Variants in MTREX observed in about 807,000 individuals in gnomAD.
MTREX encodes Mtr4 exosome RNA helicase, also known as exosome RNA helicase MTR4.
Under a neutral mutation model 135.4 loss-of-function variants are expected in MTREX, and 76 were observed. The ratio of observed to expected loss-of-function variants is 0.56; its 90% CI spans 0.47 to 0.68. MTREX has a LOEUF of 0.68. Ranked by LOEUF, MTREX falls within the 30% of genes least tolerant of loss-of-function variation. The pLI is 0.00. For synonymous variants in MTREX, 404 were observed against 401.6 expected (o/e 1.01, Z -0.07); for missense variants, 920 against 1,262.1 (o/e 0.73, Z 4.11).
chr5:55,345,301 C>A, intron 10 of MTREX, 105 bp downstream of exon 10: 1 of 711,256 alleles, frequency 1.4e-6, no homozygotes, highest in South Asian at 1.7e-5. Context: ...ATGTAAAGGT[C>A]TAGACGATAT....
intron 1 of MTREX, among the ~76,000 whole-genome samples, chr5:55,311,106 T>C (rs540434239): frequency 7.9e-5 from 12 of 152,190 alleles, no homozygotes; most frequent in Non-Finnish European, 1.8e-4. Flanking sequence ...AAAAAAACTT[T>C]ATGAGAATTG....
At position 55,340,199 on chromosome 5, in the gene MTREX, G is replaced by A. The variant is rs773679166; in HGVS notation, c.690+15G>A. ...TGACCACAGAGGTAATTCATGTAGT[G>A]CCTCATCTGACTTTTCGTTTTTAAT... is the stretch of plus-strand genomic sequence containing the variant. On this transcript the variant is annotated intron_variant, in intron 6 of 26. Coordinates refer to ENST00000230640, the MANE Select transcript of MTREX (RefSeq NM_015360.5). 15 of 1,500,216 alleles carry A rather than the reference G, an allele frequency of 1.0e-5. No homozygotes were observed. Among genetic ancestry groups the A allele is most frequent in the Non-Finnish European group, 4.5e-6 (5 of 1,122,996 alleles). 92.9% of individuals were successfully genotyped at this position (1,500,216 alleles called of 1,614,324 possible). A position where few individuals can be genotyped will look rare whatever the true frequency, so the allele number is the denominator to read the frequency against.
chr5:55,415,338 C>A (rs1049122262), intron 24 of MTREX, among the ~76,000 whole-genome samples: 1 of 151,914 alleles, frequency 6.6e-6, no homozygotes, highest in Non-Finnish European at 1.5e-5. Flanking sequence ...GTACATGAAC[C>A]CCTGAGCCTA....
Position 55,352,021 on chromosome 5 carries a change from TTTTTG to T in MTREX, c.1431+1017_1431+1021del, listed in dbSNP as rs559247967. ...TTCTTGTTTTTTGTTTTTGTTTTTG[TTTTTG>T]TTTTGTTTTGTTTTGTTTTGTTTTT... On this transcript the variant is annotated intron_variant, in intron 13 of 26. Coordinates refer to ENST00000230640, the MANE Select transcript of MTREX (RefSeq NM_015360.5). Among the ~76,000 whole-genome samples, 264 of 131,916 alleles carry T rather than the reference TTTTTG, an allele frequency of 2.0e-3. 2 individuals are homozygous for T. The highest frequency in any genetic ancestry group is 3.0e-3 in the Non-Finnish European group (185 of 62,048). The allele number at this position is 131,916 out of a possible 152,430, so 86.5% of individuals were successfully genotyped here. A position where few individuals can be genotyped will look rare whatever the true frequency, so the allele number is the denominator to read the frequency against.
chr5:55,348,600 G>A (rs1749775902), intron 11 of MTREX, among the ~76,000 whole-genome samples: 2 of 152,034 alleles, frequency 1.3e-5, no homozygotes, highest in Admixed American at 6.5e-5. Flanking sequence ...TTTTATCTGT[G>A]CATTTTAAAG....
intron 21 of MTREX, 123 bp from the exon 22 acceptor site, chr5:55,405,302 T>TG: frequency 1.3e-6 from 1 of 796,890 alleles, no homozygotes; most frequent in Non-Finnish European, 1.9e-6. Context: ...CACTGAAGCT[T>TG]TAACCCAGAA....
chr5:55,308,097 A>C lies in MTREX; in HGVS notation c.84A>C (p.Glu28Asp), dbSNP rs1358018399. 6.2e-7 allele frequency: 1 copy of C among 1,613,924 alleles called. No individual in the cohort carries two copies. ...TTAAGTKKDK[E>D]KDKGKWKGPP... is the part of the protein sequence containing the mutation. Reference sequence around the variant, plus strand: ...CGGCGGGAACCAAAAAAGACAAGGAAAAGGACAAGGGGAAATGGAAGGGGC... The same window carrying C: ...CGGCGGGAACCAAAAAAGACAAGGACAAGGACAAGGGGAAATGGAAGGGGC... The change falls in exon 1 of 27, where the codon GAA becomes GAC. Residue 28 changes from glutamate to aspartate, a missense_variant. Around this residue, in one of 6 missense-constraint regions of MTREX, gnomAD observed 136 missense variants for 126.7 expected, o/e 1.07. Coordinates refer to ENST00000230640, the MANE Select transcript of MTREX (RefSeq NM_015360.5).
Position 55,344,621 on chromosome 5 carries a change from G to A in MTREX, c.1005+1G>A. 3.2e-6 allele frequency: 5 copies of A among 1,544,286 alleles called. No individual in the cohort carries two copies. Among genetic ancestry groups the A allele is most frequent in the Non-Finnish European group, 4.5e-6 (5 of 1,120,182 alleles). On this transcript the variant is annotated splice_donor_variant, in intron 9 of 26. Transcript: ENST00000230640. LOFTEE classifies it high-confidence loss of function. ...CCTGCATCTTGTGGTTGATGAAAAT[G>A]TAAGAGAGTAATTGTCCTTTTTAAA... is the stretch of plus-strand genomic sequence containing the variant.
intron 18 of MTREX, among the ~76,000 whole-genome samples, chr5:55,386,946 T>A (rs1750489945): frequency 1.3e-5 from 2 of 152,116 alleles, no homozygotes; most frequent in Admixed American, 6.5e-5. Context: ...TAGCTATTTG[T>A]TTAGCTCATT....
intron 11 of MTREX, among the ~76,000 whole-genome samples, chr5:55,348,375 A>G (rs770738135): frequency 3.9e-5 from 6 of 152,288 alleles, no homozygotes; most frequent in Non-Finnish European, 7.4e-5. Context: ...ACACTGTTTC[A>G]TTGTGGATTA....
At chr5:55,407,463 C>T (rs1389814778) in intron 22 of MTREX, among the ~76,000 whole-genome samples, 3 of 152,140 alleles carry the variant, frequency 2.0e-5, no homozygotes, top group Non-Finnish European at 4.4e-5. Context: ...CTTTAGATAT[C>T]TACAACTAGA....
Position 55,403,458 on chromosome 5 carries a change from A to G in MTREX, c.2482-1967A>G, listed in dbSNP as rs187319588. On this transcript the variant is annotated intron_variant, in intron 21 of 26. Transcript: ENST00000230640. ...AAAAACCAGTGGCATTAACTTCAGT[A>G]ATATTTTTATTTAACCCATTATATC... 5.4e-3 allele frequency among the ~76,000 whole-genome samples: 822 copies of G among 152,334 alleles called. 4 individuals are homozygous for G. The highest frequency in any genetic ancestry group is 0.019 in the African/African-American group (792 of 41,578).
intron 25 of MTREX, among the ~76,000 whole-genome samples, chr5:55,421,295 G>T (rs1259086887): frequency 6.6e-6 from 1 of 152,162 alleles, no homozygotes; most frequent in East Asian, 1.9e-4. Context: ...TTAATCCCTG[G>T]GGGGAGTAGC....
chr5:55,357,017 T>A (rs1456125115), intron 14 of MTREX: 1 of 154,792 alleles, frequency 6.5e-6, no homozygotes, highest in Non-Finnish European at 1.5e-5. Context: ...TTGGTGATGA[T>A]GTGGTTGAAC....
chr5:55,389,494 G>C (rs1159716890), intron 19 of MTREX, among the ~76,000 whole-genome samples: 1 of 152,144 alleles, frequency 6.6e-6, no homozygotes, highest in Non-Finnish European at 1.5e-5. Context: ...AAATTGGCAA[G>C]GGGTGGGGGG....
chr5:55,315,575 G>A (rs934772698), intron 1 of MTREX, among the ~76,000 whole-genome samples: 8 of 151,944 alleles, frequency 5.3e-5, no homozygotes, highest in Non-Finnish European at 8.8e-5. Flanking sequence ...ATTCCATTGC[G>A]GCATAGAGCA....
intron 14 of MTREX, among the ~76,000 whole-genome samples, chr5:55,358,224 G>C (rs1284888642): frequency 6.6e-6 from 1 of 152,100 alleles, no homozygotes; most frequent in Non-Finnish European, 1.5e-5. Context: ...TCATATATTT[G>C]TAAGCATAAT....
intron 3 of MTREX, among the ~76,000 whole-genome samples, chr5:55,326,226 G>C (rs1361825159): frequency 6.6e-6 from 1 of 151,862 alleles, no homozygotes. Context: ...GTGAAACCCC[G>C]TCTCTACTAA....
At position 55,353,279 on chromosome 5, in the gene MTREX, GC is replaced by G; in HGVS notation, c.1533+11del. 1.3e-6 allele frequency: 2 copies of G among 1,540,914 alleles called. No homozygotes were observed. Among genetic ancestry groups the G allele is most frequent in the Non-Finnish European group, 1.8e-6 (2 of 1,120,142 alleles). Reference sequence around the variant, plus strand: ...GAAGGATTTCCGATGGGTAAGTAAAGCAATTCATATATCAAAATAATTTTTG... The same window carrying G: ...GAAGGATTTCCGATGGGTAAGTAAAGAATTCATATATCAAAATAATTTTTG... On this transcript the variant is annotated intron_variant, in intron 14 of 26. Coordinates refer to ENST00000230640, the MANE Select transcript of MTREX (RefSeq NM_015360.5).
Sources: allele counts gnomAD v4.1 joint callset (sites outside exome capture counted in the v4.1 genomes callset), GRCh38; gene constraint gnomAD v4.1.1; regional missense constraint gnomAD v4.1.1; transcripts MANE v1.5; gene names NCBI Gene and HGNC (gene_info 2026-07-23, HGNC 2026-07-21).